KIF24: variants seen among roughly 807,000 people sequenced by gnomAD.
KIF24 encodes the protein kinesin-like protein KIF24.
Under a neutral mutation model 118.9 loss-of-function variants are expected in KIF24, and 81 were observed. That is an observed-to-expected ratio of 0.68 (90% CI 0.57 to 0.82). The LOEUF (loss-of-function observed/expected upper bound fraction) is 0.82, where lower values mean the gene tolerates loss of function less well. Ranked by LOEUF, KIF24 falls within the 40% of genes least tolerant of loss-of-function variation. KIF24 has a pLI of 0.00. For synonymous variants in KIF24, 599 were observed against 610.0 expected, an observed-to-expected ratio of 0.98 and a Z score of 0.27; for missense variants, 1,560 against 1,661.6, an observed-to-expected ratio of 0.94 and a Z score of 1.06.
At chr9:34,261,583 A>C (rs925756147) in intron 9 of KIF24, among the ~76,000 whole-genome samples, 4 of 152,230 alleles carry the variant, frequency 2.6e-5, no homozygotes, top group Admixed American at 6.5e-5. Context: ...ATGATCTTTT[A>C]ACATGAAAAG....
intron 6 of KIF24, among the ~76,000 whole-genome samples, chr9:34,278,098 A>T (rs79179850): frequency 0.011 from 1,597 of 151,842 alleles, 22 homozygotes; most frequent in African/African-American, 0.032. Flanking sequence ...ACATGGTGAA[A>T]CCCCATCTCT....
At chr9:34,300,393 G>C (rs1176013197) in intron 3 of KIF24, among the ~76,000 whole-genome samples, 1 of 149,928 alleles carries the variant, frequency 6.7e-6, no homozygotes, top group Non-Finnish European at 1.5e-5. Context: ...TTTTGAGACA[G>C]AGTCTCACTT....
chr9:34,322,558 A>G (rs1430696694), intron 1 of KIF24, among the ~76,000 whole-genome samples: 1 of 152,128 alleles, frequency 6.6e-6, no homozygotes, highest in African/African-American at 2.4e-5. Context: ...CTGGACTATT[A>G]GAAACTGATA....
chr9:34,333,186 G>A (rs1837993287), upstream of KIF24, among the ~76,000 whole-genome samples: 1 of 152,258 alleles, frequency 6.6e-6, no homozygotes, highest in South Asian at 2.1e-4. Context: ...GCTATTAGGA[G>A]CCTGAGGCTA....
intron 1 of KIF24, among the ~76,000 whole-genome samples, chr9:34,313,297 G>A (rs901219080): frequency 1.3e-5 from 2 of 151,970 alleles, no homozygotes; most frequent in South Asian, 2.1e-4. Flanking sequence ...GGTGAGATCA[G>A]GAAAAAACAA....
At chr9:34,291,878 A>AAATGGGTCCCGC (rs1836268563) in intron 4 of KIF24, among the ~76,000 whole-genome samples, 1 of 152,170 alleles carries the variant, frequency 6.6e-6, no homozygotes, top group Non-Finnish European at 1.5e-5. Context: ...TCAAGCTGGG[A>AAATGGGTCCCGC]AATGGGTCCC....
intron 2 of KIF24, among the ~76,000 whole-genome samples, chr9:34,309,582 G>A (rs186705194): frequency 9.4e-5 from 14 of 148,678 alleles, no homozygotes; most frequent in South Asian, 2.1e-4. Flanking sequence ...CTCCTTCACC[G>A]CTGAGGTAAC....
intron 1 of KIF24, among the ~76,000 whole-genome samples, chr9:34,323,412 GA>G (rs1197844698): frequency 6.6e-6 from 1 of 152,104 alleles, no homozygotes; most frequent in Non-Finnish European, 1.5e-5. Flanking sequence ...CAAAATTTTA[GA>G]ACCTAGTTAT....
chr9:34,275,960 G>A (rs550002179), intron 6 of KIF24, among the ~76,000 whole-genome samples: 64 of 152,166 alleles, frequency 4.2e-4, no homozygotes, highest in South Asian at 8.3e-4. Context: ...CTCCAGTTGA[G>A]GAACAAACTC....
At chr9:34,305,808 G>A (rs1049894025) in intron 3 of KIF24, among the ~76,000 whole-genome samples, 3 of 151,882 alleles carry the variant, frequency 2.0e-5, no homozygotes, top group African/African-American at 7.3e-5. Flanking sequence ...ATCTCGCTAT[G>A]GTGCCCAGGG....
intron 3 of KIF24, 33 bp from the exon 4 acceptor site, chr9:34,297,147 C>A: frequency 2.4e-6 from 3 of 1,273,960 alleles, no homozygotes; most frequent in Non-Finnish European, 3.3e-6. Context: ...TGGAAAGAGA[C>A]ACATTCTGGA....
chr9:34,318,405 C>T lies in KIF24; in HGVS notation c.-25-7034G>A, dbSNP rs569055268. 2.8e-4 allele frequency: 194 copies of T among 698,854 alleles called. No individual in the cohort carries two copies. In the African/African-American group the frequency reaches 2.9e-3, roughly 10 times the overall value. The allele number at this position is 698,854 out of a possible 1,614,324, so 43.3% of individuals were successfully genotyped here. Reference sequence around the variant, plus strand: ...GTGCACGCAAACCACCTCCCAGCCACGCGCTCCCTCCTGCTCCTCAGCGCC... The same window carrying T: ...GTGCACGCAAACCACCTCCCAGCCATGCGCTCCCTCCTGCTCCTCAGCGCC... On this transcript the variant is annotated intron_variant, in intron 1 of 12. Coordinates refer to ENST00000402558, the MANE Select transcript of KIF24 (RefSeq NM_194313.4). The surrounding 1 kb of genome is among the most constrained non-coding windows in gnomAD (Gnocchi z 4.9).
chr9:34,262,660 AAAAAAAAAAAAAAAAATATATATATAT>A (rs1402132500), intron 9 of KIF24, among the ~76,000 whole-genome samples: 6 of 45,392 alleles, frequency 1.3e-4, no homozygotes, highest in Non-Finnish European at 2.5e-4. Flanking sequence ...AAAAAAAAAA[AAAAAAAAAAAAAAAAATATATATATAT>A]ATATATATAT....
At chr9:34,308,291 T>TC (rs1563959323) in intron 2 of KIF24, among the ~76,000 whole-genome samples, 2 of 151,608 alleles carry the variant, frequency 1.3e-5, no homozygotes, top group Non-Finnish European at 2.9e-5. Context: ...TTAATGCTTT[T>TC]TTTTTTTTTT....
chr9:34,332,959 T>C (rs1837986855), upstream of KIF24, among the ~76,000 whole-genome samples: 2 of 152,074 alleles, frequency 1.3e-5, no homozygotes, highest in Admixed American at 1.3e-4. Flanking sequence ...GGAAAAAAGA[T>C]GATGATGATG....
intron 1 of KIF24, among the ~76,000 whole-genome samples, chr9:34,311,689 CGTATATATGTACATATATACGTATATAT>C (rs924988283): frequency 2.1e-5 from 3 of 144,050 alleles, no homozygotes; most frequent in African/African-American, 7.7e-5. Context: ...TATATATATA[CGTATATATGTACATATATACGTATATAT>C]GTATATACAC....
At chr9:34,273,494 A>G (rs1835579944) in intron 6 of KIF24, among the ~76,000 whole-genome samples, 1 of 81,488 alleles carries the variant, frequency 1.2e-5, no homozygotes, top group Admixed American at 1.5e-4. Flanking sequence ...AAAGATACAC[A>G]CAGTCAGTGA....
intron 1 of KIF24, among the ~76,000 whole-genome samples, chr9:34,311,730 A>ATATATATACATATATACGTATATATGTG (rs1329442813): frequency 4.1e-5 from 6 of 147,258 alleles, no homozygotes; most frequent in Admixed American, 1.4e-4. Flanking sequence ...ATATACACGT[A>ATATATATACATATATACGTATATATGTG]TATATATACA....
At chr9:34,255,645 T>C (rs567952357) in intron 11 of KIF24, 90 bp downstream of exon 11, 1 of 1,197,082 alleles carries the variant, frequency 8.4e-7, no homozygotes, top group East Asian at 2.5e-5. Context: ...TACCCCTGCA[T>C]GGCTTCTCTT....
Sources: allele counts gnomAD v4.1 joint callset (sites outside exome capture counted in the v4.1 genomes callset), GRCh38; gene constraint gnomAD v4.1.1; non-coding constraint Gnocchi (gnomAD v3.1); transcripts MANE v1.5; gene names NCBI Gene and HGNC (gene_info 2026-07-23, HGNC 2026-07-21).